RIMBP2: variants seen among roughly 807,000 people sequenced by gnomAD.
RIMBP2 encodes RIMS-binding protein 2.
Under a neutral mutation model 118.6 loss-of-function variants are expected in RIMBP2, and 48 were observed. That is an observed-to-expected ratio of 0.40 (90% CI 0.32 to 0.51). The LOEUF (loss-of-function observed/expected upper bound fraction) is 0.51. Among genes scored for constraint, RIMBP2 ranks in the 20% least tolerant of loss-of-function variants. The probability of loss-of-function intolerance (pLI) is 0.41; values close to 1 mark genes in which losing one functional copy is unlikely to be tolerated. For synonymous variants in RIMBP2, 762 were observed against 742.9 expected, an observed-to-expected ratio of 1.03 and a Z score of -0.42; for missense variants, 1,551 against 1,768.3, an observed-to-expected ratio of 0.88 and a Z score of 2.20.
intron 7 of RIMBP2, among the ~76,000 whole-genome samples, chr12:130,454,058 AACAAAAC>A (rs148276626): frequency 0.026 from 4,009 of 152,280 alleles, 154 homozygotes; most frequent in African/African-American, 0.09. Flanking sequence ...CAATGCAAAA[AACAAAAC>A]ACAAAAAACA....
intron 10 of RIMBP2, 43 bp downstream of exon 10, chr12:130,445,117 C>T: frequency 7.4e-7 from 1 of 1,351,756 alleles, no homozygotes; most frequent in Non-Finnish European, 1.0e-6. Flanking sequence ...GCGGGGTGGA[C>T]TGGCCCAGCC....
chr12:130,470,659 A>AC, intron 6 of RIMBP2, 34 bp downstream of exon 6: 1 of 1,215,340 alleles, frequency 8.2e-7, no homozygotes, highest in Non-Finnish European at 1.0e-6. Flanking sequence ...AACGTCCCCC[A>AC]CCCCCGGGCA....
At chr12:130,613,569 G>A (rs111864513) in intron 2 of RIMBP2, among the ~76,000 whole-genome samples, 3 of 152,142 alleles carry the variant, frequency 2.0e-5, no homozygotes, top group African/African-American at 4.8e-5. Context: ...GTTATCCAGC[G>A]GTTTGGGAGG....
chr12:130,646,490 G>C (rs554598680), intron 1 of RIMBP2, among the ~76,000 whole-genome samples: 21 of 149,900 alleles, frequency 1.4e-4, no homozygotes, highest in African/African-American at 5.0e-4. Context: ...TACTGCAAAA[G>C]GGATTGTTTC....
intron 10 of RIMBP2, among the ~76,000 whole-genome samples, chr12:130,444,283 G>A (rs1427748717): frequency 6.6e-6 from 1 of 152,136 alleles, no homozygotes; most frequent in Non-Finnish European, 1.5e-5. Flanking sequence ...AGCGAGTGGT[G>A]AGTGAGGCAG....
intron 21 of RIMBP2, among the ~76,000 whole-genome samples, chr12:130,405,767 T>TTTTTGTTTTG (rs5801919): frequency 4.6e-5 from 7 of 151,386 alleles, no homozygotes; most frequent in East Asian, 3.9e-4. Context: ...GGGTTTTAGG[T>TTTTTGTTTTG]TTTTGTTTTG....
At chr12:130,609,250 G>A (rs539953170) in intron 2 of RIMBP2, among the ~76,000 whole-genome samples, 11 of 152,004 alleles carry the variant, frequency 7.2e-5, no homozygotes, top group East Asian at 1.9e-4. Context: ...GCCCCCCCAC[G>A]TTTATACAGC....
At chr12:130,521,474 C>T (rs12424744) in intron 2 of RIMBP2, among the ~76,000 whole-genome samples, 1 of 152,202 alleles carries the variant, frequency 6.6e-6, no homozygotes, top group Admixed American at 6.5e-5. Flanking sequence ...GATTAACAAG[C>T]TTTTCTACAG....
chr12:130,609,221 G>A (rs549139598), intron 2 of RIMBP2, among the ~76,000 whole-genome samples: 1 of 152,100 alleles, frequency 6.6e-6, no homozygotes, highest in East Asian at 1.9e-4. Context: ...TATGAACTGA[G>A]TCTGTCACAA....
intron 6 of RIMBP2, among the ~76,000 whole-genome samples, chr12:130,458,689 C>A (rs1265198704): frequency 6.6e-6 from 1 of 152,042 alleles, no homozygotes; most frequent in Non-Finnish European, 1.5e-5. Flanking sequence ...TTCATTCTAA[C>A]ATGTGACAGG....
chr12:130,459,628 C>T lies in RIMBP2; in HGVS notation c.154-2928G>A, dbSNP rs149368062. Among the ~76,000 whole-genome samples, 67 of 152,306 alleles carry T rather than the reference C, an allele frequency of 4.4e-4. 1 individual carries two copies. The East Asian group carries it at 0.012, about 27-fold the overall frequency. On this transcript the variant is annotated intron_variant, in intron 6 of 22. Transcript: ENST00000690449. ...CGGCTGAGGTCACAGGAGCCTAAAGCGGGTTCTGCATCTGATACACACCTG... is the reference window on the plus strand; with the variant it reads ...CGGCTGAGGTCACAGGAGCCTAAAGTGGGTTCTGCATCTGATACACACCTG...
chr12:130,645,968 G>T (rs1352973812), intron 1 of RIMBP2, among the ~76,000 whole-genome samples: 1 of 152,042 alleles, frequency 6.6e-6, no homozygotes, highest in Non-Finnish European at 1.5e-5. Context: ...TTTTAAAGAA[G>T]GAAAGAAAAA....
chr12:130,423,783 A>T (rs2076579371), intron 16 of RIMBP2, among the ~76,000 whole-genome samples: 1 of 151,526 alleles, frequency 6.6e-6, no homozygotes, highest in Non-Finnish European at 1.5e-5. Flanking sequence ...ACTAGTAGTC[A>T]TAAATAAATC....
chr12:130,449,514 C>A (rs950338849), intron 9 of RIMBP2, among the ~76,000 whole-genome samples: 1 of 151,918 alleles, frequency 6.6e-6, no homozygotes, highest in Non-Finnish European at 1.5e-5. Context: ...GGTGAGGATG[C>A]GGGAGATCAG....
At chr12:130,618,279 C>T (rs917913718) in intron 2 of RIMBP2, among the ~76,000 whole-genome samples, 1 of 152,166 alleles carries the variant, frequency 6.6e-6, no homozygotes, top group Admixed American at 6.5e-5. Flanking sequence ...ATCCAGTCAA[C>T]ACAAAAAGCT....
chr12:130,434,940 C>T lies in RIMBP2; in HGVS notation c.2107-60G>A, dbSNP rs1031225551. Reference sequence around the variant, plus strand: ...GGGCCACCTTCAGCTACGCTCAGCCCCACCTGCATTCACCAAACCTTCAGC... The same window carrying T: ...GGGCCACCTTCAGCTACGCTCAGCCTCACCTGCATTCACCAAACCTTCAGC... On this transcript the variant is annotated intron_variant, in intron 13 of 22. Coordinates refer to ENST00000690449, the MANE Select transcript of RIMBP2 (RefSeq NM_001393629.1). The surrounding 1 kb of genome is among the most constrained non-coding windows in gnomAD (Gnocchi z 5.7). The T allele has an allele frequency of 3.9e-6, 6 of 1,523,532 alleles. No individual in the cohort carries two copies. Among genetic ancestry groups the T allele is most frequent in the African/African-American group, 1.4e-5 (1 of 72,180 alleles). 94.4% of individuals were successfully genotyped at this position (1,523,532 alleles called of 1,614,324 possible).
At position 130,635,093 on chromosome 12, in the gene RIMBP2, G is replaced by A. The variant is rs138272442; in HGVS notation, c.-351-6637C>T. On this transcript the variant is annotated intron_variant, in intron 1 of 22. Transcript: ENST00000690449. ...GGCAGGATGGAGCCCATCCCCTGCC[G>A]TTCTCCTTCCAGGGTTTCTTGAGAG... 8.4e-3 allele frequency among the ~76,000 whole-genome samples: 1,278 copies of A among 152,274 alleles called. 6 individuals are homozygous for A. The highest frequency in any genetic ancestry group is 0.011 in the Non-Finnish European group (755 of 68,018).
chr12:130,414,429 G>T, intron 17 of RIMBP2, 123 bp from the exon 18 acceptor site: 1 of 921,986 alleles, frequency 1.1e-6, no homozygotes. Flanking sequence ...TCTTTTTTGT[G>T]TCTTAACATG....
rs1382149516 is a variant in RIMBP2, at chr12:130,442,458, A to C, written c.894T>G (p.Ser298Arg). Residue 298 changes from serine (S) to arginine (R), a missense_variant, in exon 11 of 23, where the codon AGT becomes AGG. Physicochemically the swap from Ser to Arg is moderately radical, Grantham distance 110 (BLOSUM62 -1). Transcript: ENST00000690449. This position sits in a 1 kb window ranked among gnomAD's most constrained non-coding sequence, Gnocchi z 6.9. The part of the protein sequence containing the change: ...THIDAGITDN[S>R]AGTLDVNIDD... ...CGATGTTCACGTCCAGGGTCCCGGC[A>C]CTGTTGTCGGTGATGCCCGCATCTA... The C allele has an allele frequency of 1.2e-6, 2 of 1,614,030 alleles. No homozygotes were observed.
Sources: allele counts gnomAD v4.1 joint callset (sites outside exome capture counted in the v4.1 genomes callset), GRCh38; gene constraint gnomAD v4.1.1; non-coding constraint Gnocchi (gnomAD v3.1); transcripts MANE v1.5; gene names NCBI Gene and HGNC (gene_info 2026-07-23, HGNC 2026-07-21).